Variants in PAH observed in about 807,000 individuals in gnomAD.
PAH encodes phenylalanine-4-hydroxylase.
Under a neutral mutation model 62.0 loss-of-function variants are expected in PAH, and 64 were observed. The ratio of observed to expected loss-of-function variants is 1.03; its 90% CI spans 0.84 to 1.27. The LOEUF is 1.27. Ranked by LOEUF, PAH falls within the 50% of genes most tolerant of loss-of-function variation. The pLI, the probability that PAH is intolerant of heterozygous loss-of-function variation, is 0.00. For missense variants in PAH, 579 were observed against 542.8 expected (o/e 1.07, Z -0.66); for synonymous variants, 195 against 196.2 (o/e 0.99, Z 0.05).
At chr12:102,856,289 TC>T (rs1487924583) in intron 5 of PAH, among the ~76,000 whole-genome samples, 1 of 152,124 alleles carries the variant, frequency 6.6e-6, no homozygotes, top group Non-Finnish European at 1.5e-5. Context: ...CCCAGGTGAC[TC>T]TGATGCAAAC....
At chr12:102,860,647 T>A (rs1280923532) in intron 5 of PAH, among the ~76,000 whole-genome samples, 1 of 152,118 alleles carries the variant, frequency 6.6e-6, no homozygotes, top group East Asian at 1.9e-4. Context: ...TATACACCAA[T>A]GGAACAAAAC....
At chr12:102,887,300 T>C (rs1877082187) in intron 3 of PAH, among the ~76,000 whole-genome samples, 1 of 151,736 alleles carries the variant, frequency 6.6e-6, no homozygotes, top group African/African-American at 2.4e-5. Flanking sequence ...TTCTATCTCA[T>C]ATGCCAGTGC....
At chr12:102,908,670 CAT>C (rs1878078543) in intron 2 of PAH, among the ~76,000 whole-genome samples, 1 of 145,360 alleles carries the variant, frequency 6.9e-6, no homozygotes, top group Admixed American at 6.9e-5. Flanking sequence ...AACATATGAA[CAT>C]CTTACATTAA....
chr12:102,899,274 G>C (rs1382391184), intron 2 of PAH, among the ~76,000 whole-genome samples: 3 of 152,128 alleles, frequency 2.0e-5, no homozygotes, highest in African/African-American at 4.8e-5. Context: ...TTATTTGTGG[G>C]AGAGTTTTGG....
In PAH at chr12:102,838,966, C is replaced by G; in HGVS notation, c.*209G>C. ...TATCATCTCTAAATCAAAGATGACC[C>G]CAAAAGATTTACCATTATGCTCTTG... On this transcript the variant is annotated 3_prime_UTR_variant, in exon 13 of 13. Coordinates refer to ENST00000553106, the MANE Select transcript of PAH (RefSeq NM_000277.3). The G allele has an allele frequency of 3.4e-6, 2 of 586,856 alleles. No homozygotes were observed. Among genetic ancestry groups the G allele is most frequent in the South Asian group, 4.2e-5 (2 of 47,750 alleles). 36.4% of individuals were successfully genotyped at this position (586,856 alleles called of 1,614,324 possible). A position where few individuals can be genotyped will look rare whatever the true frequency, so the allele number is the denominator to read the frequency against.
chr12:102,897,543 A>C (rs950552502), intron 2 of PAH, among the ~76,000 whole-genome samples: 11 of 150,986 alleles, frequency 7.3e-5, no homozygotes, highest in East Asian at 3.9e-4. Context: ...TCAGTGAAAA[A>C]ACAATTTTTA....
At chr12:102,941,715 G>A (rs36120932) in intron 1 of PAH, among the ~76,000 whole-genome samples, 23,572 of 151,902 alleles carry the variant, frequency 0.16, 1,923 homozygotes, top group African/African-American at 0.18. Context: ...GGAAACTATC[G>A]CAAAGCAAAT....
At chr12:102,853,157 C>G in intron 6 of PAH, 1 of 614,630 alleles carries the variant, frequency 1.6e-6, no homozygotes, top group South Asian at 1.9e-5. Flanking sequence ...CCTCAGTTTC[C>G]TCATCTGCAT....
rs1555203951 is a variant in PAH, at chr12:102,846,953, T to C, written c.913-2A>G. The C allele has an allele frequency of 6.2e-7, 1 of 1,612,304 alleles. No homozygotes were observed. Among genetic ancestry groups the C allele is most frequent in the Non-Finnish European group, 8.5e-7 (1 of 1,178,406 alleles). On this transcript the variant is annotated splice_acceptor_variant, in intron 8 of 12. Coordinates refer to ENST00000553106, the MANE Select transcript of PAH (RefSeq NM_000277.3). LOFTEE classifies it high-confidence loss of function. ...ACCCAGAGAGGCAAGGCCAATTTCC[T>C]GTAATTGGGGGAAAATAGAACCTGT...
chr12:102,908,683 T>A (rs2136722193), intron 2 of PAH, among the ~76,000 whole-genome samples: 1 of 152,312 alleles, frequency 6.6e-6, no homozygotes, highest in African/African-American at 2.4e-5. Flanking sequence ...CTTACATTAA[T>A]GTGGAACATA....
At chr12:102,951,761 TTTCCCCCTCCCCTTTAAATTGTCCCCCC>T (rs1186599490), upstream of PAH, among the ~76,000 whole-genome samples, 1 of 152,024 alleles carries the variant, frequency 6.6e-6, no homozygotes, top group African/African-American at 2.4e-5. Flanking sequence ...GTAGGGCATT[TTTCCCCCTCCCCTTTAAATTGTCCCCCC>T]TTCCCCCTCC....
chr12:102,956,961 C>T (rs1879935187), intron 1 of PAH, among the ~76,000 whole-genome samples: 1 of 152,192 alleles, frequency 6.6e-6, no homozygotes, highest in Non-Finnish European at 1.5e-5. Flanking sequence ...GAGGATGCCA[C>T]TTCGAGGAGC....
At chr12:102,861,085 T>A (rs1462740382) in intron 5 of PAH, among the ~76,000 whole-genome samples, 1 of 152,076 alleles carries the variant, frequency 6.6e-6, no homozygotes, top group African/African-American at 2.4e-5. Flanking sequence ...AATCTACTCA[T>A]CTGACAAAGG....
chr12:102,843,863 C>T, intron 10 of PAH, 84 bp from the exon 11 acceptor site: 1 of 1,418,146 alleles, frequency 7.1e-7, no homozygotes, highest in South Asian at 1.2e-5. Context: ...ATTTGTGCCC[C>T]TTCTCTCATC....
At chr12:102,877,128 C>T in intron 4 of PAH, 2 of 381,516 alleles carry the variant, frequency 5.2e-6, no homozygotes, top group East Asian at 6.4e-5. Flanking sequence ...TGCTGTTTAC[C>T]AAGCACTTGA....
At chr12:102,870,680 C>T (rs1592964552) in intron 4 of PAH, among the ~76,000 whole-genome samples, 1 of 152,208 alleles carries the variant, frequency 6.6e-6, no homozygotes, top group African/African-American at 2.4e-5. Context: ...AGGCCAATAA[C>T]AAGAGGCTTT....
intron 3 of PAH, among the ~76,000 whole-genome samples, chr12:102,885,854 C>G (rs1249649470): frequency 6.6e-6 from 1 of 152,186 alleles, no homozygotes; most frequent in African/African-American, 2.4e-5. Context: ...CAGCCTGTCT[C>G]AGAGAGAGCA....
At chr12:102,923,966 G>A (rs113315779) in intron 1 of PAH, among the ~76,000 whole-genome samples, 3 of 152,310 alleles carry the variant, frequency 2.0e-5, no homozygotes, top group African/African-American at 7.2e-5. Flanking sequence ...ATTCAAAGAA[G>A]TTATCCAGTT....
chr12:102,859,000 A>T (rs1565850090), intron 5 of PAH, among the ~76,000 whole-genome samples: 1 of 152,118 alleles, frequency 6.6e-6, no homozygotes, highest in Non-Finnish European at 1.5e-5. Context: ...AGATAGAGAC[A>T]CAAAAAAACC....
Sources: gnomAD v4.1 joint callset for allele counts (sites outside exome capture counted in the v4.1 genomes callset) on GRCh38, gnomAD v4.1.1 for gene constraint, MANE v1.5 for transcripts, NCBI Gene and HGNC (gene_info 2026-07-23, HGNC 2026-07-21) for gene names.